Variants in DNAH1 observed in about 807,000 individuals in gnomAD.
DNAH1 encodes dynein axonemal heavy chain 1, also known as axonemal beta dynein heavy chain 1.
In DNAH1, 327 loss-of-function variants were observed where a neutral mutation model predicts 484.3. The observed-to-expected ratio is 0.68, with a 90% CI of 0.62 to 0.74. The LOEUF (loss-of-function observed/expected upper bound fraction) is 0.74, where lower values mean the gene tolerates loss of function less well. Ranked by LOEUF, DNAH1 falls within the 30% of genes least tolerant of loss-of-function variation. The probability of loss-of-function intolerance (pLI) is 0.00; values close to 1 mark genes in which losing one functional copy is unlikely to be tolerated. For synonymous variants in DNAH1, 2,192 were observed against 2,191.9 expected (o/e 1.00, Z 0.00); for missense variants, 5,052 against 5,546.8 (o/e 0.91, Z 2.83).
chr3:52,328,161 G>A, intron 6 of DNAH1, 147 bp downstream of exon 6: 1 of 1,060,500 alleles, frequency 9.4e-7, no homozygotes, highest in Non-Finnish European at 1.3e-6. Flanking sequence ...CTAGAAGCTG[G>A]CCTCACAGAG....
chr3:52,396,973 G>A lies in DNAH1; in HGVS notation c.11716G>A (p.Val3906Met), dbSNP rs755707581. 22 of 1,612,912 alleles carry A rather than the reference G, an allele frequency of 1.4e-5. No homozygotes were observed. The highest frequency in any genetic ancestry group is 6.7e-5 in the East Asian group (3 of 44,864). Residue 3906 changes from valine (V) to methionine (M), a missense_variant, in exon 73 of 78, where the codon GTG (valine) becomes ATG (methionine). Val to Met is a conservative substitution (Grantham distance 21). Coordinates refer to ENST00000420323, the MANE Select transcript of DNAH1 (RefSeq NM_015512.5). Reference sequence around the variant, plus strand: ...CTTGGAGGACTTCTACAACCCTGACGTGCTCTCCCCTGAGCACAGCTACAG... The same window carrying A: ...CTTGGAGGACTTCTACAACCCTGACATGCTCTCCCCTGAGCACAGCTACAG... ...NILEDFYNPDVLSPEHSYSAS... is the reference protein window; with the variant it reads ...NILEDFYNPDMLSPEHSYSAS...
chr3:52,391,853 G>C (rs1704405545), intron 63 of DNAH1, among the ~76,000 whole-genome samples: 1 of 152,176 alleles, frequency 6.6e-6, no homozygotes, highest in African/African-American at 2.4e-5. Flanking sequence ...CCCAGCCTCT[G>C]TGTCTAGCAC....
chr3:52,334,300 T>C (rs1701658436), intron 8 of DNAH1, among the ~76,000 whole-genome samples: 1 of 152,110 alleles, frequency 6.6e-6, no homozygotes, highest in South Asian at 2.1e-4. Flanking sequence ...ACATGGTACA[T>C]CTATGTAAGG....
intron 41 of DNAH1, 117 bp from the exon 42 acceptor site, chr3:52,371,829 G>A (rs990350919): frequency 1.7e-4 from 250 of 1,465,798 alleles, no homozygotes; most frequent in Admixed American, 3.1e-4. Flanking sequence ...ACCTGGACCC[G>A]CTTGCCAAAG....
At position 52,322,607 on chromosome 3, in the gene DNAH1, T is replaced by C; in HGVS notation, c.165T>C (p.Leu55=). The change falls in exon 2 of 78, where the codon CTT becomes CTC. Residue 55 remains leucine (L), a synonymous_variant. Coordinates refer to ENST00000420323, the MANE Select transcript of DNAH1 (RefSeq NM_015512.5). ...SDYGLGNPPA[L]DPKLPHLPLP... ...ATGGGTTGGGAAATCCTCCAGCCCT[T>C]GACCCCAAGCTCCCACATTTACCCC... is the stretch of plus-strand genomic sequence containing the variant. The C allele has an allele frequency of 6.2e-7, 1 of 1,613,912 alleles. No homozygotes were observed. Among genetic ancestry groups the C allele is most frequent in the Admixed American group, 1.7e-5 (1 of 60,008 alleles).
In DNAH1 at chr3:52,356,691, C is replaced by T; in HGVS notation, c.3771C>T (p.Asn1257=). The T allele has an allele frequency of 6.2e-7, 1 of 1,613,932 alleles. No individual in the cohort carries two copies. The highest frequency in any genetic ancestry group is 8.5e-7 in the Non-Finnish European group (1 of 1,179,900). The change falls in exon 22 of 78, where the codon AAC becomes AAT. Residue 1257 remains asparagine, a synonymous_variant. Transcript: ENST00000420323. ...LEPIFSSEDI[N]QQLPVESKRY... ...CCATCTTTAGCTCTGAGGACATCAA[C>T]CAGCAGCTGCCTGTGGAGAGCAAGC...
Position 52,328,028 on chromosome 3 carries a change from C to T in DNAH1, c.871+14C>T. On this transcript the variant is annotated intron_variant, in intron 6 of 77. Coordinates refer to ENST00000420323, the MANE Select transcript of DNAH1 (RefSeq NM_015512.5). ...TCCTGGGGCATGGTGAGCAAGGCCA[C>T]TCTGGAGTGGGGACACTATCTCATT... The T allele has an allele frequency of 1.9e-6, 3 of 1,612,372 alleles. No homozygotes were observed. Among genetic ancestry groups the T allele is most frequent in the Non-Finnish European group, 2.5e-6 (3 of 1,178,576 alleles).
At chr3:52,376,078 G>A (rs1703587027) in intron 46 of DNAH1, 85 bp downstream of exon 46, 5 of 1,530,948 alleles carry the variant, frequency 3.3e-6, no homozygotes, top group Non-Finnish European at 4.4e-6. Context: ...CTGCGACCAG[G>A]CGCCGTGGTG....
At position 52,370,162 on chromosome 3, in the gene DNAH1, A is replaced by T. The variant is rs145673040; in HGVS notation, c.6191A>T (p.Asn2064Ile). The change falls in exon 39 of 78, where the codon AAC becomes ATC. Residue 2064 changes from asparagine (N) to isoleucine (I), a missense_variant. By Grantham distance (149) the Asn-to-Ile change is moderately radical. Transcript: ENST00000420323. The part of the protein sequence containing the change: ...SSVKEVIAST[N>I]CNLTMSLLKL... ...GTGAAGGAGGTGATCGCCTCAACCA[A>T]CTGCAACCTGACCATGAGCCTCCTC... 6.2e-6 allele frequency: 10 copies of T among 1,613,860 alleles called. No homozygotes were observed. Among genetic ancestry groups the T allele is most frequent in the Non-Finnish European group, 8.5e-6 (10 of 1,179,838 alleles).
At chr3:52,365,457 A>G (rs575084908) in intron 34 of DNAH1, among the ~76,000 whole-genome samples, 3 of 152,080 alleles carry the variant, frequency 2.0e-5, no homozygotes, top group Non-Finnish European at 4.4e-5. Context: ...GTTGAGTGAC[A>G]CCCCTGGCGT....
chr3:52,355,163 T>C lies in DNAH1; in HGVS notation c.3693+108T>C. 1.8e-6 allele frequency: 2 copies of C among 1,134,780 alleles called. No homozygotes were observed. Among genetic ancestry groups the C allele is most frequent in the Non-Finnish European group, 2.6e-6 (2 of 782,444 alleles). The allele number at this position is 1,134,780 out of a possible 1,614,324, so 70.3% of individuals were successfully genotyped here. On this transcript the variant is annotated intron_variant, in intron 21 of 77. Transcript: ENST00000420323. This position sits in a 1 kb window ranked among gnomAD's most constrained non-coding sequence, Gnocchi z 4.5. ...TGGGGTTCAAAGCATCGCAGTGCCTTGCCCTCATTCACACAGCCCCTGGCT... is the reference window on the plus strand; with the variant it reads ...TGGGGTTCAAAGCATCGCAGTGCCTCGCCCTCATTCACACAGCCCCTGGCT...
At chr3:52,386,908 C>A in intron 56 of DNAH1, 55 bp downstream of exon 56, 1 of 1,476,286 alleles carries the variant, frequency 6.8e-7, no homozygotes, top group Non-Finnish European at 9.0e-7. Context: ...GCCCGCCCGG[C>A]AGGACAGTGA....
intron 15 of DNAH1, 50 bp from the exon 16 acceptor site, chr3:52,350,458 C>T (rs1321481310): frequency 1.3e-6 from 2 of 1,570,748 alleles, no homozygotes; most frequent in Non-Finnish European, 8.7e-7. Flanking sequence ...TCCGATTACC[C>T]ACCACCTCCC....
rs915161997 is a variant in DNAH1 at position 52,382,453 on chromosome 3, C to T, written c.7939C>T (p.Gln2647Ter). 1 of 1,613,664 alleles carries T rather than the reference C, an allele frequency of 6.2e-7. No individual in the cohort carries two copies. The highest frequency in any genetic ancestry group is 8.5e-7 in the Non-Finnish European group (1 of 1,179,660). Residue 2647 changes from glutamine to a stop codon, truncating the protein, a stop_gained and splice_region_variant, in exon 50 of 78, where the codon CAG (glutamine) becomes TAG (stop). Transcript: ENST00000420323. LOFTEE classifies it high-confidence loss of function. ...CATCACCTTCCTCTTCTCAGACACC[C>T]AGGTGCCACTGCCACAGCAGAGGGC... ...LPITFLFSDT[Q>*]IKNESFLEDI... is the part of the protein sequence containing the mutation.
In DNAH1 at chr3:52,344,496, A is replaced by G; in HGVS notation, c.1293A>G (p.Leu431=). The change falls in exon 9 of 78, where the codon CTA becomes CTG. Residue 431 remains leucine, a synonymous_variant. Transcript: ENST00000420323. ...CTCCCATCTCTATGGGCAGGGTTCT[A>G]GAGCACCTCAGCAGTCTTGCCAGAG... ...TPRMRKGPSV[L]EHLSSLAREV... 1 of 1,613,872 alleles carries G rather than the reference A, an allele frequency of 6.2e-7. No homozygotes were observed. The highest frequency in any genetic ancestry group is 8.5e-7 in the Non-Finnish European group (1 of 1,179,766).
At chr3:52,374,176 T>C (rs925673745) in intron 44 of DNAH1, 16 of 1,283,786 alleles carry the variant, frequency 1.2e-5, no homozygotes, top group Admixed American at 6.7e-5. Context: ...AGATAAATAA[T>C]ATATTTTATA....
rs1478655107 is a variant in DNAH1 at position 52,400,417 on chromosome 3, G to A, written c.12769G>A (p.Val4257Met). ...CCAGCGACACTGGATAAAGCGTGGT[G>A]TGGCCCTCATCTGTGCCCTGGACTA... ...QPQRHWIKRG[V>M]ALICALDY The change falls in exon 78 of 78, where the codon GTG becomes ATG. Residue 4257 changes from valine (V) to methionine (M), a missense_variant. Physicochemically the swap from Val to Met is conservative, Grantham distance 21 (BLOSUM62 1). Around this residue, in one of 4 missense-constraint regions of DNAH1, gnomAD observed 853 missense variants for 899.0 expected, o/e 0.95. Coordinates refer to ENST00000420323, the MANE Select transcript of DNAH1 (RefSeq NM_015512.5). The A allele has an allele frequency of 6.2e-6, 10 of 1,613,938 alleles. No individual in the cohort carries two copies. Among genetic ancestry groups the A allele is most frequent in the East Asian group, 4.5e-5 (2 of 44,898 alleles).
At chr3:52,373,526 G>A (rs1041545146) in intron 44 of DNAH1, 11 of 1,461,554 alleles carry the variant, frequency 7.5e-6, no homozygotes, top group Admixed American at 5.7e-5. Context: ...TTGCTGTCCC[G>A]TCTACAGTGT....
rs1317827025 is a variant in DNAH1 at position 52,355,650 on chromosome 3, CG to C, written c.3693+597del. On this transcript the variant is annotated intron_variant, in intron 21 of 77. Coordinates refer to ENST00000420323, the MANE Select transcript of DNAH1 (RefSeq NM_015512.5). The surrounding 1 kb of genome is among the most constrained non-coding windows in gnomAD (Gnocchi z 4.5). Reference sequence around the variant, plus strand: ...TCCCTGATAGCTGCTCAGAGACCTCCGGCGAAGGCCAGAAGCAGGTGGGGAG... The same window carrying C: ...TCCCTGATAGCTGCTCAGAGACCTCCGCGAAGGCCAGAAGCAGGTGGGGAG... Among the ~76,000 whole-genome samples, 1 of 152,226 alleles carries C rather than the reference CG, an allele frequency of 6.6e-6. No homozygotes were observed. The highest frequency in any genetic ancestry group is 6.5e-5 in the Admixed American group (1 of 15,290).
Sources: allele counts gnomAD v4.1 joint callset (sites outside exome capture counted in the v4.1 genomes callset), GRCh38; gene constraint gnomAD v4.1.1; regional missense constraint gnomAD v4.1.1; non-coding constraint Gnocchi (gnomAD v3.1); transcripts MANE v1.5; gene names NCBI Gene and HGNC (gene_info 2026-07-23, HGNC 2026-07-21).